Variants in SGCD observed in about 807,000 individuals in gnomAD.
SGCD encodes the protein sarcoglycan delta.
A neutral mutation model predicts 36.6 loss-of-function variants in SGCD; 18 were observed. That is an observed-to-expected ratio of 0.49 (90% CI 0.34 to 0.73). SGCD has a LOEUF of 0.73. Among genes scored for constraint, SGCD ranks in the 30% least tolerant of loss-of-function variants. The pLI is 0.01. For missense variants in SGCD, 387 were observed against 346.7 expected (o/e 1.12, Z -0.92); for synonymous variants, 133 against 130.6 (o/e 1.02, Z -0.12).
At chr5:156,252,193 G>A (rs558293209) in intron 3 of SGCD, among the ~76,000 whole-genome samples, 4 of 151,638 alleles carry the variant, frequency 2.6e-5, no homozygotes, top group East Asian at 3.9e-4. Context: ...TCAGCCTCCC[G>A]AGTATTAATC....
intron 3 of SGCD, among the ~76,000 whole-genome samples, chr5:156,308,514 G>T (rs1767299117): frequency 6.6e-6 from 1 of 152,120 alleles, no homozygotes; most frequent in Non-Finnish European, 1.5e-5. Context: ...TAGCCAGGAT[G>T]GTCTCGATCT....
intron 3 of SGCD, among the ~76,000 whole-genome samples, chr5:156,167,248 T>C (rs1213695808): frequency 1.3e-5 from 2 of 152,198 alleles, no homozygotes; most frequent in Admixed American, 1.3e-4. Context: ...ACTATTCTCA[T>C]AGTGCCCTGG....
At chr5:156,212,990 T>C (rs544923256) in intron 3 of SGCD, among the ~76,000 whole-genome samples, 2 of 152,040 alleles carry the variant, frequency 1.3e-5, no homozygotes, top group South Asian at 4.2e-4. Flanking sequence ...TTATGGGACA[T>C]AGAAAATGCC....
At chr5:156,386,122 T>G (rs143989503) in intron 3 of SGCD, among the ~76,000 whole-genome samples, 1,935 of 152,336 alleles carry the variant, frequency 0.013, 47 homozygotes, top group African/African-American at 0.045. Flanking sequence ...GTTATTGAGC[T>G]TTCCTTAGTT....
At chr5:156,360,673 C>T (rs186952661) in intron 3 of SGCD, among the ~76,000 whole-genome samples, 1 of 152,130 alleles carries the variant, frequency 6.6e-6, no homozygotes, top group East Asian at 1.9e-4. Flanking sequence ...GGGGAGATGG[C>T]CAGACTTTGA....
chr5:156,133,621 A>C (rs752534831), intron 3 of SGCD, among the ~76,000 whole-genome samples: 1 of 152,176 alleles, frequency 6.6e-6, no homozygotes, highest in East Asian at 1.9e-4. Context: ...GCCAAACTAA[A>C]GGATACTTCC....
chr5:156,643,014 G>C (rs539710353), intron 6 of SGCD, among the ~76,000 whole-genome samples: 1 of 138,652 alleles, frequency 7.2e-6, no homozygotes, highest in South Asian at 2.3e-4. Flanking sequence ...GGTTTTTTGG[G>C]GGGTTTTTTG....
chr5:156,647,729 A>G (rs1374780605), intron 7 of SGCD, among the ~76,000 whole-genome samples, 193 bp downstream of exon 7: 1 of 152,134 alleles, frequency 6.6e-6, no homozygotes, highest in Non-Finnish European at 1.5e-5. Context: ...GAGGATCTGG[A>G]TGGGGTAAAA....
rs1021771328 is a variant in SGCD at position 156,767,009 on chromosome 5, A to C, written c.*7619A>C. The C allele has an allele frequency of 6.6e-6, 1 of 152,186 alleles. No homozygotes were observed. The highest frequency in any genetic ancestry group is 6.5e-5 in the Admixed American group (1 of 15,286). 9.4% of individuals were successfully genotyped at this position (152,186 alleles called of 1,614,324 possible). A position where few individuals can be genotyped will look rare whatever the true frequency, so the allele number is the denominator to read the frequency against. ...CAACCCACCACAAAACCTTAGTAAA[A>C]GGATGAGCCAAAAATGAAAAAGACT... On this transcript the variant is annotated 3_prime_UTR_variant, in exon 9 of 9. Transcript: ENST00000337851.
chr5:156,287,896 C>T (rs1348516524), intron 3 of SGCD, among the ~76,000 whole-genome samples: 1 of 152,012 alleles, frequency 6.6e-6, no homozygotes. Context: ...GAGGCTCTGT[C>T]TCAAAAACAA....
intron 7 of SGCD, among the ~76,000 whole-genome samples, chr5:156,737,152 C>A (rs1406126195): frequency 1.3e-5 from 2 of 152,158 alleles, no homozygotes; most frequent in Admixed American, 6.5e-5. Context: ...TCTCTTGACA[C>A]AAATTAAGTA....
At position 156,762,139 on chromosome 5, in the gene SGCD, T is replaced by C. The variant is rs1342499539; in HGVS notation, c.*2749T>C. On this transcript the variant is annotated 3_prime_UTR_variant, in exon 9 of 9. Transcript: ENST00000337851. ...GGGAGCTTTTACATTAAAAATCTAC[T>C]AACGCCTACTTTTTAAAAAATGAGA... 1 of 152,606 alleles carries C rather than the reference T, an allele frequency of 6.6e-6. No individual in the cohort carries two copies. Among genetic ancestry groups the C allele is most frequent in the East Asian group, 1.9e-4 (1 of 5,202 alleles). The allele number at this position is 152,606 out of a possible 1,614,324, so 9.5% of individuals were successfully genotyped here.
At chr5:155,884,730 G>A (rs987417074) in intron 1 of SGCD, among the ~76,000 whole-genome samples, 7 of 152,276 alleles carry the variant, frequency 4.6e-5, no homozygotes, top group East Asian at 1.9e-4. Flanking sequence ...TGTTGGTTAC[G>A]TGACTTTGAG....
At chr5:155,970,937 C>A (rs1757995897) in intron 1 of SGCD, among the ~76,000 whole-genome samples, 1 of 152,150 alleles carries the variant, frequency 6.6e-6, no homozygotes, top group Non-Finnish European at 1.5e-5. Context: ...GACGTCCAGG[C>A]TGGCATGTCT....
chr5:156,021,629 T>C (rs1294288465), intron 1 of SGCD, among the ~76,000 whole-genome samples: 1 of 152,102 alleles, frequency 6.6e-6, no homozygotes, highest in African/African-American at 2.4e-5. Flanking sequence ...AAAGCTGCAA[T>C]GTGATGTTCA....
chr5:156,458,414 G>A, intron 3 of SGCD: 1 of 1,602,518 alleles, frequency 6.2e-7, no homozygotes, highest in Non-Finnish European at 8.5e-7. Context: ...TGTGATCGAT[G>A]TAGTAGACAC....
the SGCD span, among the ~76,000 whole-genome samples, chr5:155,797,885 AC>A: frequency 2.0e-5 from 3 of 152,188 alleles, no homozygotes; most frequent in East Asian, 5.8e-4. Flanking sequence ...CCAATTAGCA[AC>A]CCAAGAAAAC....
intron 6 of SGCD, among the ~76,000 whole-genome samples, chr5:156,603,502 C>A (rs556136560): frequency 6.6e-6 from 1 of 152,054 alleles, no homozygotes; most frequent in East Asian, 1.9e-4. Context: ...TGAAGTGTAT[C>A]TTTAGATTGC....
At chr5:156,604,934 G>C (rs966883133) in intron 6 of SGCD, among the ~76,000 whole-genome samples, 1 of 151,322 alleles carries the variant, frequency 6.6e-6, no homozygotes, top group Admixed American at 6.6e-5. Flanking sequence ...GTTTTTGACT[G>C]TGTTGACTTT....
Sources: gnomAD v4.1 joint callset for allele counts (sites outside exome capture counted in the v4.1 genomes callset) on GRCh38, gnomAD v4.1.1 for gene constraint, MANE v1.5 for transcripts, NCBI Gene and HGNC (gene_info 2026-07-23, HGNC 2026-07-21) for gene names.